Variants in LIMK2 observed in about 807,000 individuals in gnomAD.
LIMK2 encodes LIM domain kinase 2.
A neutral mutation model predicts 75.7 loss-of-function variants in LIMK2; 35 were observed. The observed-to-expected ratio is 0.46, with a 90% CI of 0.35 to 0.61. LIMK2 has a LOEUF of 0.61. Ranked by LOEUF, LIMK2 falls within the 20% of genes least tolerant of loss-of-function variation. The pLI is 0.00. For missense variants in LIMK2, 623 were observed against 831.0 expected, an observed-to-expected ratio of 0.75 and a Z score of 3.08; for synonymous variants, 301 against 319.2, an observed-to-expected ratio of 0.94 and a Z score of 0.61.
At chr22:31,217,453 A>T (rs1337189830) in intron 1 of LIMK2, among the ~76,000 whole-genome samples, 13 of 151,690 alleles carry the variant, frequency 8.6e-5, no homozygotes, top group Admixed American at 8.5e-4. Flanking sequence ...ATCCCAGCTC[A>T]AACATTTATT....
At chr22:31,231,962 G>A (rs532283815) in intron 2 of LIMK2, among the ~76,000 whole-genome samples, 1 of 151,992 alleles carries the variant, frequency 6.6e-6, no homozygotes, top group Non-Finnish European at 1.5e-5. Flanking sequence ...GACTACAGGC[G>A]TGCCACCACA....
chr22:31,229,034 A>G (rs545728334), intron 2 of LIMK2, among the ~76,000 whole-genome samples: 46 of 152,276 alleles, frequency 3.0e-4, no homozygotes, highest in Admixed American at 9.2e-4. Context: ...ATATACACCT[A>G]TATGTATACA....
chr22:31,273,352 C>G (rs1569003421), intron 13 of LIMK2, 100 bp from the exon 14 acceptor site: 2 of 1,080,928 alleles, frequency 1.9e-6, no homozygotes, highest in African/African-American at 1.5e-5. Context: ...AGAACCTGTT[C>G]TAGCCCTAGT....
Position 31,232,921 on chromosome 22 carries a change from G to A in LIMK2, c.116+7102G>A, listed in dbSNP as rs574573438. 7.2e-5 allele frequency among the ~76,000 whole-genome samples: 11 copies of A among 152,260 alleles called. No individual in the cohort carries two copies. The South Asian group carries it at 2.1e-3, about 29-fold the overall frequency. ...CCTGGTCTCTTAACTGGTTCCCTAA[G>A]ACAGCTGGAAATAGAGAATGTCATG... is the stretch of plus-strand genomic sequence containing the variant. On this transcript the variant is annotated intron_variant, in intron 2 of 15. Transcript: ENST00000331728.
chr22:31,270,037 G>A (rs1027994984), intron 11 of LIMK2, among the ~76,000 whole-genome samples: 1 of 152,122 alleles, frequency 6.6e-6, no homozygotes, highest in Non-Finnish European at 1.5e-5. Context: ...ATGGGGGATA[G>A]CCATGATTGT....
rs1208106481 is a variant in LIMK2 at position 31,278,687 on chromosome 22, GA to G, written c.*253del. 1.7e-5 allele frequency: 6 copies of G among 357,846 alleles called. No homozygotes were observed. The highest frequency in any genetic ancestry group is 4.5e-5 in the Admixed American group (1 of 22,418). 22.2% of individuals were successfully genotyped at this position (357,846 alleles called of 1,614,324 possible). A position where few individuals can be genotyped will look rare whatever the true frequency, so the allele number is the denominator to read the frequency against. ...ATACTTGCCTGAAAGCTGTGAAGAAGAAAAAAACCCCTGGCCTTTGGGCCAG... is the reference window on the plus strand; with the variant it reads ...ATACTTGCCTGAAAGCTGTGAAGAAGAAAAAACCCCTGGCCTTTGGGCCAG... On this transcript the variant is annotated 3_prime_UTR_variant, in exon 16 of 16. Transcript: ENST00000331728.
intron 2 of LIMK2, among the ~76,000 whole-genome samples, 165 bp downstream of exon 2, chr22:31,225,984 C>A (rs2048474269): frequency 6.6e-6 from 1 of 152,076 alleles, no homozygotes; most frequent in Admixed American, 6.5e-5. Flanking sequence ...TCAAGTGTGG[C>A]CCCCCTGAAC....
intron 15 of LIMK2, chr22:31,277,347 T>C (rs1232124705): frequency 7.1e-7 from 1 of 1,409,712 alleles, no homozygotes; most frequent in African/African-American, 1.5e-5. Flanking sequence ...TGGGACTTTG[T>C]GTTTTTATAT....
At position 31,259,204 on chromosome 22, in the gene LIMK2, A is replaced by C. The variant is rs2048813700; in HGVS notation, c.336A>C (p.Ala112=). 1 of 1,610,890 alleles carries C rather than the reference A, an allele frequency of 6.2e-7. No individual in the cohort carries two copies. ...TCATTGAGGATGGGGATGCATATGC[A>C]CTGGTGCAGCATGCCACCCTCTACT... ...KVIIEDGDAY[A]LVQHATLYCG... is the part of the protein sequence containing the mutation. Residue 112 remains alanine (A), a synonymous_variant, in exon 4 of 16, where the codon GCA becomes GCC. Coordinates refer to ENST00000331728, the MANE Select transcript of LIMK2 (RefSeq NM_005569.4).
intron 15 of LIMK2, chr22:31,276,962 A>C: frequency 1.2e-6 from 2 of 1,613,938 alleles, no homozygotes; most frequent in Non-Finnish European, 1.7e-6. Context: ...CAGGAAGAGG[A>C]GATCTCAGAA....
chr22:31,226,349 C>T (rs1429336129), intron 2 of LIMK2, among the ~76,000 whole-genome samples: 2 of 151,564 alleles, frequency 1.3e-5, no homozygotes, highest in Non-Finnish European at 2.9e-5. Flanking sequence ...ATGACAGGCA[C>T]CTGCCACCAT....
intron 2 of LIMK2, among the ~76,000 whole-genome samples, chr22:31,255,976 G>GTTTT (rs1440549025): frequency 1.8e-5 from 1 of 55,060 alleles, no homozygotes. Context: ...ACTATATTGG[G>GTTTT]TCTTTTTTTT....
chr22:31,259,539 C>T (rs2048817270), intron 4 of LIMK2, among the ~76,000 whole-genome samples: 1 of 152,274 alleles, frequency 6.6e-6, no homozygotes, highest in African/African-American at 2.4e-5. Context: ...TGTCCAACCA[C>T]CTTGGTTGAT....
intron 2 of LIMK2, among the ~76,000 whole-genome samples, chr22:31,237,186 G>A (rs543741515): frequency 8.0e-5 from 12 of 150,556 alleles, no homozygotes; most frequent in South Asian, 6.3e-4. Context: ...GCGTGAACCC[G>A]GGAGGCGGAG....
At position 31,279,525 on chromosome 22, in the gene LIMK2, G is replaced by A. The variant is rs1172438483; in HGVS notation, c.*1084G>A. On this transcript the variant is annotated 3_prime_UTR_variant, in exon 16 of 16. Transcript: ENST00000331728. ...GCTGAGAGAGATAGCTCCCTGAGCT[G>A]GGCCATCTGACTTCTACCTCCCATG... The A allele has an allele frequency of 6.6e-6, 1 of 152,210 alleles. No homozygotes were observed. The highest frequency in any genetic ancestry group is 1.5e-5 in the Non-Finnish European group (1 of 68,070). 9.4% of individuals were successfully genotyped at this position (152,210 alleles called of 1,614,324 possible).
intron 2 of LIMK2, among the ~76,000 whole-genome samples, chr22:31,231,719 GGAGA>G (rs1420863131): frequency 1.3e-5 from 2 of 152,222 alleles, no homozygotes; most frequent in Admixed American, 1.3e-4. Context: ...GTAGAAAAAT[GGAGA>G]GAGATGAGGC....
At chr22:31,239,722 G>A (rs1032038525) in intron 2 of LIMK2, among the ~76,000 whole-genome samples, 3 of 152,144 alleles carry the variant, frequency 2.0e-5, no homozygotes, top group African/African-American at 4.8e-5. Context: ...TTCTCCAAGT[G>A]TGGAGCCGTA....
At chr22:31,272,110 G>T (rs1015481047) in intron 12 of LIMK2, among the ~76,000 whole-genome samples, 1 of 152,158 alleles carries the variant, frequency 6.6e-6, no homozygotes, top group African/African-American at 2.4e-5. Flanking sequence ...TCCCAGGCTG[G>T]AGTGCAGTGG....
chr22:31,240,828 G>A (rs1021270467), intron 2 of LIMK2, among the ~76,000 whole-genome samples: 5 of 152,132 alleles, frequency 3.3e-5, no homozygotes, highest in African/African-American at 1.2e-4. Flanking sequence ...GCACCAGGAA[G>A]GTGAAAGTCT....
Sources: allele counts gnomAD v4.1 joint callset (sites outside exome capture counted in the v4.1 genomes callset), GRCh38; gene constraint gnomAD v4.1.1; transcripts MANE v1.5; gene names NCBI Gene and HGNC (gene_info 2026-07-23, HGNC 2026-07-21).